Variants in RIN2 observed in about 807,000 individuals in gnomAD.
The protein encoded by RIN2 is Ras and Rab interactor 2.
RIN2 carries 36 observed loss-of-function variants against 78.0 expected under a neutral mutation model. That is an observed-to-expected ratio of 0.46 (90% CI 0.35 to 0.61). The LOEUF (loss-of-function observed/expected upper bound fraction) is 0.61, where lower values mean the gene tolerates loss of function less well. RIN2 is among the 20% of genes least tolerant of loss of function. The pLI is 0.00. For missense variants in RIN2, 1,087 were observed against 1,159.7 expected, an observed-to-expected ratio of 0.94 and a Z score of 0.91; for synonymous variants, 466 against 466.8, an observed-to-expected ratio of 1.00 and a Z score of 0.02.
chr20:19,965,381 C>G, intron 7 of RIN2, among the ~76,000 whole-genome samples: 1 of 152,068 alleles, frequency 6.6e-6, no homozygotes, highest in East Asian at 1.9e-4. Context: ...CACATACATG[C>G]GCACACACAC....
chr20:19,824,045 G>GC (rs2036009886), intron 2 of RIN2: 5 of 681,512 alleles, frequency 7.3e-6, no homozygotes, highest in Non-Finnish European at 1.3e-5. Flanking sequence ...TGCTCTGCCT[G>GC]CTTCTATGGC....
chr20:19,815,670 TAA>T (rs2035744968), intron 2 of RIN2, among the ~76,000 whole-genome samples: 6 of 152,228 alleles, frequency 3.9e-5, no homozygotes, highest in Admixed American at 3.9e-4. Flanking sequence ...TTCTTTGAGT[TAA>T]TGTGAATCAC....
chr20:19,798,625 TGTGTGTGCAC>T, intron 1 of RIN2, among the ~76,000 whole-genome samples: 1 of 152,048 alleles, frequency 6.6e-6, no homozygotes, highest in South Asian at 2.1e-4. Flanking sequence ...CATATACGTG[TGTGTGTGCAC>T]GTGTGTGCAT....
At chr20:19,925,071 C>T (rs369005) in intron 3 of RIN2, among the ~76,000 whole-genome samples, 63,981 of 147,382 alleles carry the variant, frequency 0.43, 14,226 homozygotes, top group East Asian at 0.57. Context: ...CCTCTCACCA[C>T]TCCTCAGCCT....
At position 19,989,866 on chromosome 20, in the gene RIN2, C is replaced by G. The variant is rs1005070843; in HGVS notation, c.1763-140C>G. 4 of 777,224 alleles carry G rather than the reference C, an allele frequency of 5.1e-6. No individual in the cohort carries two copies. The East Asian group carries it at 1.1e-4, about 22-fold the overall frequency. The allele number at this position is 777,224 out of a possible 1,614,324, so 48.1% of individuals were successfully genotyped here. ...GAGTTATGGCGCTGCTTGGTGTTGT[C>G]TGTTGGTTGGATGTTAAGGTGTACA... On this transcript the variant is annotated intron_variant, in intron 9 of 12. Coordinates refer to ENST00000255006, the MANE Select transcript of RIN2 (RefSeq NM_018993.4).
At chr20:19,868,512 G>A (rs140381046) in intron 2 of RIN2, among the ~76,000 whole-genome samples, 8 of 152,304 alleles carry the variant, frequency 5.3e-5, no homozygotes, top group African/African-American at 1.9e-4. Flanking sequence ...CTTTCACTGG[G>A]CCAGGAAACA....
At chr20:19,759,417 G>T (rs558652819) in intron 1 of RIN2, among the ~76,000 whole-genome samples, 42 of 152,102 alleles carry the variant, frequency 2.8e-4, no homozygotes, top group Non-Finnish European at 7.4e-5. Context: ...GGAGTGCAAA[G>T]GGCTTACTGG....
intron 1 of RIN2, among the ~76,000 whole-genome samples, chr20:19,795,432 G>A (rs186582822): frequency 6.6e-6 from 1 of 152,090 alleles, no homozygotes; most frequent in African/African-American, 2.4e-5. Flanking sequence ...ATTTTGCCTG[G>A]TGAGTTTTTT....
chr20:19,939,286 G>T (rs929788098), intron 4 of RIN2, among the ~76,000 whole-genome samples: 12 of 152,096 alleles, frequency 7.9e-5, no homozygotes, highest in African/African-American at 2.9e-4. Flanking sequence ...GGCCTCAAGT[G>T]GTCCACCTGT....
intron 2 of RIN2, among the ~76,000 whole-genome samples, chr20:19,819,322 G>T (rs867873188): frequency 3.9e-5 from 6 of 152,260 alleles, no homozygotes; most frequent in South Asian, 2.1e-4. Flanking sequence ...AAGCTCTCTG[G>T]TGTCTCTTCT....
intron 2 of RIN2, among the ~76,000 whole-genome samples, chr20:19,864,516 T>C (rs2037439878): frequency 6.6e-6 from 1 of 152,180 alleles, no homozygotes; most frequent in Non-Finnish European, 1.5e-5. Flanking sequence ...AGCATGGAAT[T>C]TGACAAGAAG....
At chr20:19,900,724 G>A (rs539023695) in intron 3 of RIN2, among the ~76,000 whole-genome samples, 1 of 152,040 alleles carries the variant, frequency 6.6e-6, no homozygotes, top group East Asian at 1.9e-4. Context: ...TCCAAGGTGG[G>A]CAGATGTCCT....
rs2042221595 is a variant in RIN2, at chr20:19,974,914, A to C, written c.889A>C (p.Asn297His). Reference sequence around the variant, plus strand: ...GAAACGGCCGAGCACAAGGACTCCCAACGCGAATGGCACGGAGCGGACTCG... The same window carrying C: ...GAAACGGCCGAGCACAAGGACTCCCCACGCGAATGGCACGGAGCGGACTCG... ...GLKRPSTRTP[N>H]ANGTERTRSP... is the part of the protein sequence containing the mutation. Residue 297 changes from asparagine to histidine, a missense_variant, in exon 9 of 13, where the codon AAC becomes CAC. Asn to His is a moderately conservative substitution (Grantham distance 68, BLOSUM62 1). Coordinates refer to ENST00000255006, the MANE Select transcript of RIN2 (RefSeq NM_018993.4). 1 of 1,613,730 alleles carries C rather than the reference A, an allele frequency of 6.2e-7. No homozygotes were observed. Among genetic ancestry groups the C allele is most frequent in the Non-Finnish European group, 8.5e-7 (1 of 1,179,792 alleles).
chr20:19,946,899 C>T (rs139844328), intron 4 of RIN2, among the ~76,000 whole-genome samples: 2,003 of 151,390 alleles, frequency 0.013, 62 homozygotes, highest in African/African-American at 0.045. Flanking sequence ...GACGTGGTGG[C>T]GCACGCCTAA....
intron 6 of RIN2, 102 bp downstream of exon 6, chr20:19,960,913 G>A (rs913863815): frequency 1.0e-5 from 7 of 698,756 alleles, no homozygotes; most frequent in African/African-American, 7.2e-5. Flanking sequence ...GCAGATATGG[G>A]CCTGAGTCTT....
At chr20:19,946,482 C>T (rs1353032058) in intron 4 of RIN2, among the ~76,000 whole-genome samples, 1 of 152,066 alleles carries the variant, frequency 6.6e-6, no homozygotes, top group African/African-American at 2.4e-5. Context: ...CTTTGAGAGG[C>T]CAAGGTGGGA....
At chr20:19,823,391 T>C (rs112240100) in intron 2 of RIN2, 19 of 622,834 alleles carry the variant, frequency 3.1e-5, no homozygotes, top group African/African-American at 1.5e-4. Context: ...CTGCCTGCTT[T>C]TTTTTTTTTC....
intron 5 of RIN2, among the ~76,000 whole-genome samples, chr20:19,959,696 T>C (rs1253025613): frequency 6.6e-6 from 1 of 152,064 alleles, no homozygotes; most frequent in Admixed American, 6.6e-5. Flanking sequence ...GAGTAAGGTG[T>C]TTAAATGCAG....
chr20:19,953,556 C>A (rs2041414330), intron 4 of RIN2, among the ~76,000 whole-genome samples: 1 of 151,932 alleles, frequency 6.6e-6, no homozygotes, highest in African/African-American at 2.4e-5. Flanking sequence ...TTCTCCCGCC[C>A]TAGCCTCCTG....
Sources: allele counts gnomAD v4.1 joint callset (sites outside exome capture counted in the v4.1 genomes callset), GRCh38; gene constraint gnomAD v4.1.1; transcripts MANE v1.5; gene names NCBI Gene and HGNC (gene_info 2026-07-23, HGNC 2026-07-21).